FBXO34: variants seen among roughly 807,000 people sequenced by gnomAD.
FBXO34 encodes the protein F-box only protein 34.
Under a neutral mutation model 24.5 loss-of-function variants are expected in FBXO34, and 12 were observed. That is an observed-to-expected ratio of 0.49 (90% confidence interval 0.31 to 0.79). The LOEUF (loss-of-function observed/expected upper bound fraction) is 0.79. FBXO34 is among the 30% of genes least tolerant of loss of function. FBXO34 has a pLI of 0.04. For missense variants in FBXO34, 823 were observed against 857.7 expected (o/e 0.96, Z 0.51); for synonymous variants, 320 against 311.9 (o/e 1.03, Z -0.27).
chr14:55,422,646 G>A, the FBXO34 span, among the ~76,000 whole-genome samples: 1 of 152,142 alleles, frequency 6.6e-6, no homozygotes, highest in Non-Finnish European at 1.5e-5. Flanking sequence ...GAGGCCAGAG[G>A]TTCGAGACCA....
At chr14:55,425,550 A>G in the FBXO34 span, among the ~76,000 whole-genome samples, 62 of 152,336 alleles carry the variant, frequency 4.1e-4, no homozygotes, top group Non-Finnish European at 7.6e-4. Context: ...TCTCTGCCTC[A>G]TTCCAAAAGA....
At chr14:55,439,617 C>CCCCA in the FBXO34 span, among the ~76,000 whole-genome samples, 2 of 72,628 alleles carry the variant, frequency 2.8e-5, 1 homozygote, top group African/African-American at 9.0e-5. Flanking sequence ...AAAGCAAACC[C>CCCCA]CCCCCCGTCT....
chr14:55,311,255 A>G (rs570137665), intron 1 of FBXO34, among the ~76,000 whole-genome samples: 34 of 152,306 alleles, frequency 2.2e-4, no homozygotes, highest in Admixed American at 4.6e-4. Flanking sequence ...TCTCGTGATA[A>G]TTCATTCACT....
At chr14:55,389,853 T>C in the FBXO34 span, among the ~76,000 whole-genome samples, 1 of 152,194 alleles carries the variant, frequency 6.6e-6, no homozygotes, top group Admixed American at 6.5e-5. Context: ...CTTAAGGATG[T>C]AGGACTTCTA....
the FBXO34 span, among the ~76,000 whole-genome samples, chr14:55,379,851 A>G: frequency 3.3e-5 from 5 of 152,330 alleles, no homozygotes; most frequent in Admixed American, 1.3e-4. Context: ...GCCTCCAAAT[A>G]GCTGGGATAC....
chr14:55,279,022 C>T (rs1377060933), intron 1 of FBXO34, among the ~76,000 whole-genome samples: 4 of 151,392 alleles, frequency 2.6e-5, no homozygotes, highest in East Asian at 2.0e-4. Flanking sequence ...GAAGGCCGGG[C>T]GTGGTGGCTC....
intron 1 of FBXO34, among the ~76,000 whole-genome samples, chr14:55,286,836 C>G (rs1174473658): frequency 6.6e-6 from 1 of 150,400 alleles, no homozygotes; most frequent in Admixed American, 6.6e-5. Flanking sequence ...GTAATATTCA[C>G]ATATACGTAA....
At chr14:55,390,933 T>C in the FBXO34 span, 1 of 1,602,916 alleles carries the variant, frequency 6.2e-7, no homozygotes, top group Non-Finnish European at 8.5e-7. Context: ...CTTCATTTCC[T>C]TTACATATTG....
chr14:55,331,705 G>GTGTATATATATATATATATGTA, intron 1 of FBXO34, among the ~76,000 whole-genome samples: 1 of 26,936 alleles, frequency 3.7e-5, no homozygotes, highest in East Asian at 6.9e-4. Flanking sequence ...ATATATATAT[G>GTGTATATATATATATATATGTA]TATATATATA....
chr14:55,401,188 T>G, the FBXO34 span, among the ~76,000 whole-genome samples: 2 of 152,068 alleles, frequency 1.3e-5, no homozygotes, highest in African/African-American at 4.8e-5. Context: ...ATGAGAAAGT[T>G]TGAACAACTT....
chr14:55,296,196 C>A (rs1473709518), intron 1 of FBXO34, among the ~76,000 whole-genome samples: 1 of 152,048 alleles, frequency 6.6e-6, no homozygotes, highest in Non-Finnish European at 1.5e-5. Flanking sequence ...ATTATCTCTT[C>A]TACTACTTAG....
the FBXO34 span, chr14:55,429,117 C>A: frequency 1.7e-5 from 17 of 984,988 alleles, 1 homozygote; most frequent in East Asian, 4.4e-4. Flanking sequence ...GGAGGACTTA[C>A]TTCCCATACT....
chr14:55,402,964 T>TATATATAA, the FBXO34 span, among the ~76,000 whole-genome samples: 125 of 59,710 alleles, frequency 2.1e-3, 1 homozygote, highest in Non-Finnish European at 3.4e-3. Flanking sequence ...TATATATATA[T>TATATATAA]ATATAAATAG....
exon 3 of FBXO34, chr14:55,367,836 G>GAAAT (rs1216437264): frequency 6.6e-6 from 1 of 151,720 alleles, no homozygotes; most frequent in Non-Finnish European, 1.5e-5. Flanking sequence ...CTACCGGATA[G>GAAAT]AAATAAACTC....
chr14:55,409,119 A>G, the FBXO34 span, among the ~76,000 whole-genome samples: 1 of 152,234 alleles, frequency 6.6e-6, no homozygotes, highest in Admixed American at 6.5e-5. Flanking sequence ...GGTCTGAACT[A>G]AAACTCGGAT....
the FBXO34 span, among the ~76,000 whole-genome samples, chr14:55,386,805 G>C: frequency 6.6e-6 from 1 of 152,136 alleles, no homozygotes; most frequent in Middle Eastern, 3.2e-3. Context: ...TAGGGCTGTT[G>C]GGCTGTAGCT....
At chr14:55,327,070 T>C (rs1420425813) in intron 1 of FBXO34, among the ~76,000 whole-genome samples, 2 of 151,756 alleles carry the variant, frequency 1.3e-5, no homozygotes, top group Admixed American at 1.3e-4. Flanking sequence ...AAAAGGGGAA[T>C]AGGGAGTGTG....
At position 55,345,486 on chromosome 14, in the gene FBXO34, C is replaced by T. The variant is rs570583666; in HGVS notation, c.-10-4895C>T. Among the ~76,000 whole-genome samples, 10 of 152,308 alleles carry T rather than the reference C, an allele frequency of 6.6e-5. No homozygotes were observed. In the South Asian group the frequency reaches 1.5e-3, roughly 22 times the overall value. On this transcript the variant is annotated intron_variant, in intron 1 of 1. Transcript: ENST00000313833. ...AGGACTTCTCTGACCTGTTCCTATA[C>T]CCTCAGGTGAGCTTGGTGCTGATGT...
rs201002379 is a variant in FBXO34, at chr14:55,350,851, C to T, written c.461C>T (p.Ser154Leu). The T allele has an allele frequency of 1.4e-4, 221 of 1,612,968 alleles. No homozygotes were observed. Among genetic ancestry groups the T allele is most frequent in the Non-Finnish European group, 1.8e-4 (209 of 1,179,768 alleles). ...AGAGCTACTAAGAGAAGGAAAAAAT[C>T]AGGGGATCTTAAAAAAGCCAAGGTA... ...DGRATKRRKK[S>L]GDLKKAKVQV... The change falls in exon 2 of 2, where the codon TCA becomes TTA. Residue 154 changes from serine (S) to leucine (L), a missense_variant. Ser to Leu is a moderately radical substitution (Grantham distance 145). Around this residue, in one of 2 missense-constraint regions of FBXO34, gnomAD observed 693 missense variants for 659.1 expected, o/e 1.05. Coordinates refer to ENST00000313833, the MANE Select transcript of FBXO34 (RefSeq NM_017943.4).
Sources: allele counts gnomAD v4.1 joint callset (sites outside exome capture counted in the v4.1 genomes callset), GRCh38; gene constraint gnomAD v4.1.1; regional missense constraint gnomAD v4.1.1; transcripts MANE v1.5; gene names NCBI Gene and HGNC (gene_info 2026-07-23, HGNC 2026-07-21).